Variants in CACNA2D1 observed in about 807,000 individuals in gnomAD.
CACNA2D1 encodes voltage-dependent calcium channel subunit alpha-2/delta-1.
In CACNA2D1, 53 loss-of-function variants were observed where a neutral mutation model predicts 171.5. That is an observed-to-expected ratio of 0.31 (90% CI 0.25 to 0.39). The LOEUF (loss-of-function observed/expected upper bound fraction) is 0.39. Among genes scored for constraint, CACNA2D1 ranks in the 10% least tolerant of loss-of-function variants. CACNA2D1 has a pLI of 1.00. For missense variants in CACNA2D1, 903 were observed against 1,299.8 expected, an observed-to-expected ratio of 0.69 and a Z score of 4.69; for synonymous variants, 442 against 443.1, an observed-to-expected ratio of 1.00 and a Z score of 0.03.
intron 15 of CACNA2D1, 63 bp downstream of exon 15, chr7:82,012,091 A>T: frequency 1.0e-6 from 1 of 987,304 alleles, no homozygotes; most frequent in Non-Finnish European, 1.6e-6. Flanking sequence ...ATCTAGAAAG[A>T]AGTAGAAATC....
At chr7:82,149,594 A>C (rs1197783215) in intron 4 of CACNA2D1, among the ~76,000 whole-genome samples, 1 of 152,022 alleles carries the variant, frequency 6.6e-6, no homozygotes, top group Non-Finnish European at 1.5e-5. Context: ...CACCTGAGAA[A>C]GCCCTCAAGG....
At chr7:81,985,969 G>T (rs1320389986) in intron 21 of CACNA2D1, among the ~76,000 whole-genome samples, 1 of 152,114 alleles carries the variant, frequency 6.6e-6, no homozygotes, top group Non-Finnish European at 1.5e-5. Flanking sequence ...TTTTGAAATT[G>T]CCAATTAATA....
chr7:82,443,555 G>C lies in CACNA2D1; in HGVS notation c.-96C>G. 3.9e-6 allele frequency: 6 copies of C among 1,521,516 alleles called. No homozygotes were observed. Among genetic ancestry groups the C allele is most frequent in the Non-Finnish European group, 5.3e-6 (6 of 1,133,626 alleles). The allele number at this position is 1,521,516 out of a possible 1,614,324, so 94.3% of individuals were successfully genotyped here. ...GGAGGAAGAGCAGCACACGCCGCCG[G>C]GACCGCGGGCGTCTGGAGGGCTGGC... On this transcript the variant is annotated 5_prime_UTR_variant, in exon 1 of 39. Coordinates refer to ENST00000356860, the MANE Select transcript of CACNA2D1 (RefSeq NM_000722.4).
chr7:82,251,050 A>G (rs951743847), intron 3 of CACNA2D1, among the ~76,000 whole-genome samples: 40 of 152,184 alleles, frequency 2.6e-4, no homozygotes, highest in African/African-American at 9.6e-4. Flanking sequence ...AACAAGTCAG[A>G]TATCTGTATC....
chr7:81,953,872 C>T (rs1338591998), intron 38 of CACNA2D1, among the ~76,000 whole-genome samples: 1 of 151,950 alleles, frequency 6.6e-6, no homozygotes, highest in Non-Finnish European at 1.5e-5. Flanking sequence ...CCTTATTTCA[C>T]TGTTTTTATT....
At chr7:82,151,794 G>A (rs541351014) in intron 4 of CACNA2D1, among the ~76,000 whole-genome samples, 10 of 152,082 alleles carry the variant, frequency 6.6e-5, no homozygotes, top group South Asian at 2.1e-4. Flanking sequence ...TTTCTAGCAC[G>A]TAAGAAACTC....
At chr7:82,352,722 G>C (rs747650233) in intron 1 of CACNA2D1, among the ~76,000 whole-genome samples, 1 of 152,134 alleles carries the variant, frequency 6.6e-6, no homozygotes, top group Non-Finnish European at 1.5e-5. Context: ...TGATAGAAGA[G>C]GCTTTCTGGA....
chr7:82,347,770 G>T (rs992641926), intron 2 of CACNA2D1, among the ~76,000 whole-genome samples: 8 of 151,158 alleles, frequency 5.3e-5, no homozygotes, highest in Admixed American at 2.0e-4. Context: ...CCGTAATGAG[G>T]TATGTATCCC....
chr7:82,067,620 C>A (rs528910995), intron 7 of CACNA2D1, among the ~76,000 whole-genome samples: 1 of 152,256 alleles, frequency 6.6e-6, no homozygotes, highest in South Asian at 2.1e-4. Context: ...TAGCACTCTT[C>A]CAACCATTAT....
intron 12 of CACNA2D1, among the ~76,000 whole-genome samples, chr7:82,026,048 T>TTC (rs547396103): frequency 7.3e-6 from 1 of 136,816 alleles, no homozygotes; most frequent in Non-Finnish European, 1.6e-5. Flanking sequence ...CTCGTGTCAG[T>TTC]TTTTTTTTTT....
rs1429457381 is a variant in CACNA2D1, at chr7:82,048,230, G to A, written c.880-9995C>T. Among the ~76,000 whole-genome samples the A allele has an allele frequency of 2.0e-5, 3 of 152,102 alleles. No homozygotes were observed. The East Asian group carries it at 5.8e-4, about 29-fold the overall frequency. Reference sequence around the variant, plus strand: ...CACTGAGACAAATTATATACATCTGGAAAACTTAGAGCATGATTATGATAT... The same window carrying A: ...CACTGAGACAAATTATATACATCTGAAAAACTTAGAGCATGATTATGATAT... On this transcript the variant is annotated intron_variant, in intron 10 of 38. Coordinates refer to ENST00000356860, the MANE Select transcript of CACNA2D1 (RefSeq NM_000722.4).
intron 1 of CACNA2D1, among the ~76,000 whole-genome samples, chr7:82,356,672 T>C (rs1469514657): frequency 6.6e-6 from 1 of 151,918 alleles, no homozygotes; most frequent in East Asian, 1.9e-4. Context: ...TTAAAAAAAA[T>C]AGCTATCTTT....
chr7:82,185,800 T>C (rs116067149), intron 3 of CACNA2D1, among the ~76,000 whole-genome samples: 2 of 152,032 alleles, frequency 1.3e-5, no homozygotes, highest in African/African-American at 4.8e-5. Flanking sequence ...GGTATCTCCA[T>C]GCATTCAAGA....
intron 10 of CACNA2D1, among the ~76,000 whole-genome samples, chr7:82,054,917 G>T (rs531286922): frequency 1.4e-4 from 21 of 152,282 alleles, no homozygotes; most frequent in Admixed American, 1.3e-3. Context: ...TGAGTTGGCT[G>T]GTTGTTGAAT....
intron 1 of CACNA2D1, 22 bp downstream of exon 1, chr7:82,443,343 C>G: frequency 6.3e-7 from 1 of 1,596,330 alleles, no homozygotes; most frequent in Non-Finnish European, 8.5e-7. Flanking sequence ...GCCGGCGCTC[C>G]CTGCCCGGCC....
Position 82,033,199 on chromosome 7 carries a change from T to C in CACNA2D1, c.1039-298A>G, listed in dbSNP as rs1392056070. 8 of 225,964 alleles carry C rather than the reference T, an allele frequency of 3.5e-5. 1 individual carries two copies. In the South Asian group the frequency reaches 5.4e-4, roughly 15 times the overall value. 14.0% of individuals were successfully genotyped at this position (225,964 alleles called of 1,614,324 possible). A position where few individuals can be genotyped will look rare whatever the true frequency, so the allele number is the denominator to read the frequency against. On this transcript the variant is annotated intron_variant, in intron 11 of 38. Transcript: ENST00000356860. ...TTTAAATTGCAGTCTCCCTCCAAGATAGTATGTTTCTTCATAGCATTTTAC... is the reference window on the plus strand; with the variant it reads ...TTTAAATTGCAGTCTCCCTCCAAGACAGTATGTTTCTTCATAGCATTTTAC...
chr7:82,183,642 C>T (rs922304987), intron 3 of CACNA2D1, among the ~76,000 whole-genome samples: 41 of 151,978 alleles, frequency 2.7e-4, no homozygotes, highest in African/African-American at 9.9e-4. Flanking sequence ...TTGAGAAAAA[C>T]ATTGCAAAAA....
chr7:81,952,790 C>T (rs1163060856), intron 38 of CACNA2D1, among the ~76,000 whole-genome samples: 1 of 152,016 alleles, frequency 6.6e-6, no homozygotes, highest in Non-Finnish European at 1.5e-5. Context: ...TCATCCGTTT[C>T]CTAATAACTC....
At chr7:82,196,092 G>C (rs1798827339) in intron 3 of CACNA2D1, among the ~76,000 whole-genome samples, 1 of 151,934 alleles carries the variant, frequency 6.6e-6, no homozygotes, top group South Asian at 2.1e-4. Flanking sequence ...GAGACATCTT[G>C]ATCCCCCTAC....
Sources: allele counts gnomAD v4.1 joint callset (sites outside exome capture counted in the v4.1 genomes callset), GRCh38; gene constraint gnomAD v4.1.1; transcripts MANE v1.5; gene names NCBI Gene and HGNC (gene_info 2026-07-23, HGNC 2026-07-21).